Variants in MARK3 observed in about 807,000 individuals in gnomAD.
The protein encoded by MARK3 is MAP/microtubule affinity-regulating kinase 3.
MARK3 carries 46 observed loss-of-function variants against 90.1 expected under a neutral mutation model. The ratio of observed to expected loss-of-function variants is 0.51; its 90% CI spans 0.40 to 0.65. The LOEUF (loss-of-function observed/expected upper bound fraction) is 0.65, where lower values mean the gene tolerates loss of function less well. Among genes scored for constraint, MARK3 ranks in the 30% least tolerant of loss-of-function variants. MARK3 has a pLI of 0.00. For missense variants in MARK3, 818 were observed against 947.2 expected (o/e 0.86, Z 1.79); for synonymous variants, 321 against 332.6 (o/e 0.97, Z 0.38).
chr14:103,502,018 G>A (rs142381421), intron 17 of MARK3, among the ~76,000 whole-genome samples: 1 of 152,346 alleles, frequency 6.6e-6, no homozygotes, highest in Admixed American at 6.5e-5. Context: ...GGCACTCACT[G>A]TCTTAATTGA....
At chr14:103,404,993 T>A in intron 1 of MARK3, 83 bp from the exon 2 acceptor site, 1 of 989,902 alleles carries the variant, frequency 1.0e-6, no homozygotes, top group Middle Eastern at 2.8e-4. Flanking sequence ...TAGGAATGTT[T>A]TTTCTTCAAT....
rs1555365915 is a variant in MARK3, at chr14:103,385,983, C to T, written c.-47C>T. The T allele has an allele frequency of 6.6e-7, 1 of 1,514,770 alleles. No individual in the cohort carries two copies. The highest frequency in any genetic ancestry group is 2.3e-5 in the East Asian group (1 of 44,396). 93.8% of individuals were successfully genotyped at this position (1,514,770 alleles called of 1,614,324 possible). ...TGGTCGCCGGCCTCCTAGGGCTGTG[C>T]TGTTTTGTTTTGACCCTCGCATTGT... On this transcript the variant is annotated 5_prime_UTR_variant, in exon 1 of 18. Coordinates refer to ENST00000429436, the MANE Select transcript of MARK3 (RefSeq NM_001128918.3).
intron 17 of MARK3, among the ~76,000 whole-genome samples, chr14:103,501,712 T>C (rs751351762): frequency 2.3e-4 from 35 of 152,092 alleles, no homozygotes; most frequent in Non-Finnish European, 4.3e-4. Flanking sequence ...CTCTAGGAGA[T>C]GGCCAGCCTT....
chr14:103,497,253 A>G (rs1293087794), intron 15 of MARK3, among the ~76,000 whole-genome samples: 2 of 152,178 alleles, frequency 1.3e-5, no homozygotes, highest in Non-Finnish European at 2.9e-5. Flanking sequence ...TATTTATAGT[A>G]GTTAGACTTT....
At chr14:103,399,841 G>A (rs889096624) in intron 1 of MARK3, among the ~76,000 whole-genome samples, 4 of 151,924 alleles carry the variant, frequency 2.6e-5, no homozygotes, top group African/African-American at 9.7e-5. Context: ...AGACCCTGTA[G>A]CTACAGGATA....
At chr14:103,442,004 A>G (rs757261669) in intron 3 of MARK3, among the ~76,000 whole-genome samples, 5 of 152,248 alleles carry the variant, frequency 3.3e-5, no homozygotes, top group African/African-American at 4.8e-5. Flanking sequence ...AGAAGACTTT[A>G]TCACTTAACT....
chr14:103,472,959 T>C (rs1366403019), intron 12 of MARK3, among the ~76,000 whole-genome samples: 1 of 151,730 alleles, frequency 6.6e-6, no homozygotes, highest in African/African-American at 2.4e-5. Context: ...TGAGCCAAGA[T>C]TGAGCCACTG....
chr14:103,427,255 A>T (rs6575987), intron 2 of MARK3, among the ~76,000 whole-genome samples: 146,294 of 151,252 alleles, frequency 0.97, 70,907 homozygotes, highest in East Asian at 1. Flanking sequence ...ATCCTAGCAC[A>T]TTGGGAGGCC....
chr14:103,498,046 A>G lies in MARK3; in HGVS notation c.1845-456A>G, dbSNP rs549562204. ...AGACTGGCCAACATGGCAAAACCCT[A>G]TCTCTACTGAAAATATAGAAATTAA... On this transcript the variant is annotated intron_variant, in intron 15 of 17. Transcript: ENST00000429436. 3.3e-5 allele frequency among the ~76,000 whole-genome samples: 5 copies of G among 152,254 alleles called. No individual in the cohort carries two copies. In the South Asian group the frequency reaches 6.2e-4, roughly 19 times the overall value.
At chr14:103,403,322 C>T (rs1433593146) in intron 1 of MARK3, among the ~76,000 whole-genome samples, 1 of 111,032 alleles carries the variant, frequency 9.0e-6, no homozygotes, top group Non-Finnish European at 1.8e-5. Flanking sequence ...TAAATAGTGC[C>T]TGGTTGTGTG....
chr14:103,443,667 C>T (rs1272403050), intron 3 of MARK3, among the ~76,000 whole-genome samples: 2 of 152,144 alleles, frequency 1.3e-5, no homozygotes, highest in Non-Finnish European at 2.9e-5. Context: ...AAATAGGTTA[C>T]CTACCTAGCA....
chr14:103,452,101 A>G, intron 5 of MARK3, 118 bp downstream of exon 5: 1 of 635,766 alleles, frequency 1.6e-6, no homozygotes, highest in Non-Finnish European at 2.7e-6. Context: ...GAGCCATAAT[A>G]CGCTAGGATG....
rs982955400 is a variant in MARK3, at chr14:103,470,290, C to A, written c.1264+2104C>A. 7.9e-5 allele frequency among the ~76,000 whole-genome samples: 12 copies of A among 151,858 alleles called. No homozygotes were observed. The East Asian group carries it at 2.3e-3, about 29-fold the overall frequency. On this transcript the variant is annotated intron_variant, in intron 12 of 17. Transcript: ENST00000429436. ...CCAGTCCTTTATGAGACATAAGACTCCCAGTGGGTAGGCTTACCAGGCTCT... is the reference window on the plus strand; with the variant it reads ...CCAGTCCTTTATGAGACATAAGACTACCAGTGGGTAGGCTTACCAGGCTCT...
At chr14:103,387,731 GA>G (rs1198558044) in intron 1 of MARK3, among the ~76,000 whole-genome samples, 1 of 152,004 alleles carries the variant, frequency 6.6e-6, no homozygotes, top group Non-Finnish European at 1.5e-5. Flanking sequence ...GGCCTCATGT[GA>G]TCCACCCGCC....
chr14:103,401,861 A>T (rs1464560696), intron 1 of MARK3, among the ~76,000 whole-genome samples: 1 of 152,244 alleles, frequency 6.6e-6, no homozygotes, highest in African/African-American at 2.4e-5. Context: ...GGAGAGCCTT[A>T]GAAGGGTTCA....
At chr14:103,435,898 T>C (rs1210727458) in intron 3 of MARK3, among the ~76,000 whole-genome samples, 1 of 151,758 alleles carries the variant, frequency 6.6e-6, no homozygotes, top group Non-Finnish European at 1.5e-5. Flanking sequence ...TAACCTATTT[T>C]ATTTATTTAT....
intron 17 of MARK3, among the ~76,000 whole-genome samples, chr14:103,501,078 G>A (rs1049232209): frequency 1.3e-5 from 2 of 152,052 alleles, no homozygotes; most frequent in African/African-American, 2.4e-5. Context: ...CTCATTCACC[G>A]TTTGTCCTTT....
chr14:103,437,711 C>T (rs994740412), intron 3 of MARK3, among the ~76,000 whole-genome samples: 11 of 152,200 alleles, frequency 7.2e-5, no homozygotes, highest in African/African-American at 2.7e-4. Context: ...AAAATATAAA[C>T]TTGGGTGCAA....
chr14:103,424,105 G>A (rs1011389822), intron 2 of MARK3, among the ~76,000 whole-genome samples: 34 of 152,148 alleles, frequency 2.2e-4, no homozygotes, highest in African/African-American at 7.7e-4. Flanking sequence ...CTACTTGGGG[G>A]AGGCCAAGGC....
Sources: allele counts gnomAD v4.1 joint callset (sites outside exome capture counted in the v4.1 genomes callset), GRCh38; gene constraint gnomAD v4.1.1; transcripts MANE v1.5; gene names NCBI Gene and HGNC (gene_info 2026-07-23, HGNC 2026-07-21).